AHCYL2: variants seen among roughly 807,000 people sequenced by gnomAD.
AHCYL2 encodes S-adenosylhomocysteine hydrolase-like protein 2.
AHCYL2 carries 28 observed loss-of-function variants against 81.4 expected under a neutral mutation model. The ratio of observed to expected loss-of-function variants is 0.34; its 90% CI spans 0.25 to 0.47. The LOEUF (loss-of-function observed/expected upper bound fraction) is 0.47, where lower values mean the gene tolerates loss of function less well. Among genes scored for constraint, AHCYL2 ranks in the 20% least tolerant of loss-of-function variants. The probability of loss-of-function intolerance (pLI) is 1.00; values close to 1 mark genes in which losing one functional copy is unlikely to be tolerated. For synonymous variants in AHCYL2, 272 were observed against 290.2 expected (o/e 0.94, Z 0.64); for missense variants, 551 against 785.1 (o/e 0.70, Z 3.56).
At chr7:129,280,096 A>G (rs1218130967) in intron 1 of AHCYL2, among the ~76,000 whole-genome samples, 2 of 151,590 alleles carry the variant, frequency 1.3e-5, no homozygotes, top group African/African-American at 2.4e-5. Context: ...TGCTTCTGAC[A>G]ATATGGTTGC....
At chr7:129,336,520 T>C (rs1306321388) in intron 1 of AHCYL2, among the ~76,000 whole-genome samples, 1 of 152,158 alleles carries the variant, frequency 6.6e-6, no homozygotes, top group East Asian at 1.9e-4. Flanking sequence ...GCCTTTCTCT[T>C]GTATGGAGAT....
intron 12 of AHCYL2, among the ~76,000 whole-genome samples, chr7:129,414,779 G>T (rs1014649195): frequency 1.3e-5 from 2 of 152,046 alleles, no homozygotes; most frequent in Non-Finnish European, 2.9e-5. Context: ...TTTTACTCTG[G>T]TTTTAAATTT....
intron 1 of AHCYL2, among the ~76,000 whole-genome samples, chr7:129,338,032 C>T (rs1369255976): frequency 6.6e-6 from 1 of 152,182 alleles, no homozygotes; most frequent in East Asian, 1.9e-4. Flanking sequence ...GTATGAGCCA[C>T]CGCGCCTGGC....
At chr7:129,312,681 A>G (rs933123616) in intron 1 of AHCYL2, among the ~76,000 whole-genome samples, 1 of 152,110 alleles carries the variant, frequency 6.6e-6, no homozygotes, top group Non-Finnish European at 1.5e-5. Context: ...GACTTTTTTT[A>G]TTTGAAAAAA....
chr7:129,231,210 A>T (rs1442003192), intron 1 of AHCYL2, among the ~76,000 whole-genome samples: 1 of 152,060 alleles, frequency 6.6e-6, no homozygotes, highest in Non-Finnish European at 1.5e-5. Context: ...ACCGCGCTTC[A>T]GCCTGGCGAC....
intron 4 of AHCYL2, among the ~76,000 whole-genome samples, chr7:129,393,943 G>A (rs1246067451): frequency 5.9e-5 from 9 of 152,130 alleles, no homozygotes; most frequent in African/African-American, 7.2e-5. Context: ...TGAGCACTCC[G>A]TTGTGATTTT....
At chr7:129,300,291 C>T (rs1163775902) in intron 1 of AHCYL2, among the ~76,000 whole-genome samples, 4 of 152,284 alleles carry the variant, frequency 2.6e-5, no homozygotes, top group Non-Finnish European at 5.9e-5. Flanking sequence ...CCCCAGCCTC[C>T]TCACTACCCT....
At chr7:129,283,726 A>G (rs1436423605) in intron 1 of AHCYL2, among the ~76,000 whole-genome samples, 2 of 152,196 alleles carry the variant, frequency 1.3e-5, no homozygotes, top group African/African-American at 4.8e-5. Context: ...CTCAAACAAT[A>G]TAGTACTTTT....
At chr7:129,356,717 C>G (rs972747995) in intron 1 of AHCYL2, among the ~76,000 whole-genome samples, 3 of 152,054 alleles carry the variant, frequency 2.0e-5, no homozygotes, top group Admixed American at 6.6e-5. Flanking sequence ...TGTTGATCTC[C>G]TAATGGAAAC....
intron 1 of AHCYL2, among the ~76,000 whole-genome samples, chr7:129,252,317 A>G (rs906377356): frequency 6.6e-6 from 1 of 152,248 alleles, no homozygotes; most frequent in Admixed American, 6.5e-5. Flanking sequence ...AACAACAGGA[A>G]CAGTGAGTAG....
intron 1 of AHCYL2, among the ~76,000 whole-genome samples, chr7:129,317,166 A>T (rs765852693): frequency 2.6e-5 from 4 of 152,184 alleles, no homozygotes; most frequent in Non-Finnish European, 4.4e-5. Context: ...AGATTTTTTT[A>T]AAAAGCTTAT....
intron 1 of AHCYL2, among the ~76,000 whole-genome samples, chr7:129,247,474 GAT>G (rs1183028189): frequency 1.3e-5 from 2 of 152,148 alleles, no homozygotes; most frequent in Non-Finnish European, 2.9e-5. Context: ...AGATTTTTCA[GAT>G]ATGTGATTTG....
Position 129,321,922 on chromosome 7 carries a change from C to T in AHCYL2, c.364-57716C>T, listed in dbSNP as rs535459221. 3.3e-5 allele frequency among the ~76,000 whole-genome samples: 5 copies of T among 151,826 alleles called. No individual in the cohort carries two copies. The East Asian group carries it at 5.8e-4, about 18-fold the overall frequency. Reference sequence around the variant, plus strand: ...CTGCTAGTAGCTGGGATTATAGGCACATGCCACCATGCCCACCTAATTTTT... The same window carrying T: ...CTGCTAGTAGCTGGGATTATAGGCATATGCCACCATGCCCACCTAATTTTT... On this transcript the variant is annotated intron_variant, in intron 1 of 16. Transcript: ENST00000325006.
chr7:129,311,473 T>C (rs186886525), intron 1 of AHCYL2, among the ~76,000 whole-genome samples: 85 of 152,360 alleles, frequency 5.6e-4, no homozygotes, highest in Middle Eastern at 6.8e-3. Flanking sequence ...AACTGCCATC[T>C]TTATATGTTC....
rs760175481 is a variant in AHCYL2, at chr7:129,379,795, A to T, written c.475+46A>T. ...GACCCAGCTGTTGAGGCTAATAAGT[A>T]CGATCTCAATGGGCCCTCCTGTCTA... is the stretch of plus-strand genomic sequence containing the variant. On this transcript the variant is annotated intron_variant, in intron 2 of 16. Coordinates refer to ENST00000325006, the MANE Select transcript of AHCYL2 (RefSeq NM_015328.4). 18 of 1,488,586 alleles carry T rather than the reference A, an allele frequency of 1.2e-5. No homozygotes were observed. The South Asian group carries it at 1.8e-4, about 15-fold the overall frequency. The allele number at this position is 1,488,586 out of a possible 1,614,324, so 92.2% of individuals were successfully genotyped here. A position where few individuals can be genotyped will look rare whatever the true frequency, so the allele number is the denominator to read the frequency against.
chr7:129,238,079 G>A (rs1399828353), intron 1 of AHCYL2, among the ~76,000 whole-genome samples: 1 of 152,088 alleles, frequency 6.6e-6, no homozygotes, highest in Non-Finnish European at 1.5e-5. Context: ...GCTCTAGGAC[G>A]AAAAATTTTT....
chr7:129,382,218 C>T (rs1794989122), intron 2 of AHCYL2, among the ~76,000 whole-genome samples: 1 of 152,216 alleles, frequency 6.6e-6, no homozygotes, highest in South Asian at 2.1e-4. Context: ...AGTAATGGAA[C>T]TGACTCACAA....
intron 1 of AHCYL2, among the ~76,000 whole-genome samples, chr7:129,237,160 C>A (rs1794669670): frequency 6.6e-6 from 1 of 152,030 alleles, no homozygotes; most frequent in Middle Eastern, 3.4e-3. Context: ...CATTTTGTGT[C>A]TTAGAATTGC....
Position 129,409,536 on chromosome 7 carries a change from T to C in AHCYL2, c.1356T>C (p.Ile452=). 1 of 1,613,094 alleles carries C rather than the reference T, an allele frequency of 6.2e-7. No individual in the cohort carries two copies. The highest frequency in any genetic ancestry group is 8.5e-7 in the Non-Finnish European group (1 of 1,179,232). ...TCATCCGACAAGTGGACATTGTTATTACCTGTACAGGTATGATAATGACAT... is the reference window on the plus strand; with the variant it reads ...TCATCCGACAAGTGGACATTGTTATCACCTGTACAGGTATGATAATGACAT... The part of the protein sequence containing the change: ...NEVIRQVDIV[I]TCTGNKNVVT... Residue 452 remains isoleucine (I), a synonymous_variant, in exon 11 of 17, where the codon ATT becomes ATC. Transcript: ENST00000325006.
Sources: allele counts gnomAD v4.1 joint callset (sites outside exome capture counted in the v4.1 genomes callset), GRCh38; gene constraint gnomAD v4.1.1; transcripts MANE v1.5; gene names NCBI Gene and HGNC (gene_info 2026-07-23, HGNC 2026-07-21).